Variants in RALGAPA2 observed in about 807,000 individuals in gnomAD.
RALGAPA2 encodes the protein ral GTPase-activating protein subunit alpha-2.
In RALGAPA2, 139 loss-of-function variants were observed where a neutral mutation model predicts 230.4. The ratio of observed to expected loss-of-function variants is 0.60; its 90% CI spans 0.53 to 0.69. The LOEUF is 0.69. Ranked by LOEUF, RALGAPA2 falls within the 30% of genes least tolerant of loss-of-function variation. RALGAPA2 has a pLI of 0.00. For missense variants in RALGAPA2, 2,163 were observed against 2,276.0 expected (o/e 0.95, Z 1.01); for synonymous variants, 847 against 837.8 (o/e 1.01, Z -0.19).
At chr20:20,458,977 T>C (rs944372867) in intron 37 of RALGAPA2, among the ~76,000 whole-genome samples, 11 of 151,354 alleles carry the variant, frequency 7.3e-5, no homozygotes, top group African/African-American at 1.9e-4. Context: ...GGAACCTTCA[T>C]AGAACTGGTG....
chr20:20,513,044 G>T lies in RALGAPA2; in HGVS notation c.4325C>A (p.Thr1442Lys), dbSNP rs767357889. The change falls in exon 32 of 40, where the codon ACA (threonine) becomes AAA (lysine). Residue 1442 changes from threonine (T) to lysine (K), a missense_variant. Transcript: ENST00000202677. ...NDSTLISYLQ[T>K]PTEGPVGGSP... The stretch of plus-strand genomic sequence containing the variant: ...TCCCCCTACCGGTCCTTCTGTGGGT[G>T]TCTGAAGGTAGGAGATGAGGGTGCT... 4.3e-6 allele frequency: 7 copies of T among 1,612,268 alleles called. No individual in the cohort carries two copies. Among genetic ancestry groups the T allele is most frequent in the Non-Finnish European group, 5.1e-6 (6 of 1,179,238 alleles).
chr20:20,662,392 G>A (rs2067812306), intron 3 of RALGAPA2, among the ~76,000 whole-genome samples: 1 of 151,958 alleles, frequency 6.6e-6, no homozygotes, highest in Non-Finnish European at 1.5e-5. Flanking sequence ...TCAACATTGT[G>A]ATTCGCATAT....
intron 9 of RALGAPA2, among the ~76,000 whole-genome samples, chr20:20,631,754 C>G (rs1480631417): frequency 2.6e-5 from 4 of 152,312 alleles, no homozygotes; most frequent in Non-Finnish European, 5.9e-5. Context: ...AAGAAACTAA[C>G]ACAACAACTT....
chr20:20,538,105 C>T (rs1010422003), intron 24 of RALGAPA2, among the ~76,000 whole-genome samples: 13 of 152,190 alleles, frequency 8.5e-5, no homozygotes, highest in Admixed American at 6.5e-4. Context: ...AGGCAAATAA[C>T]AGCTACACAC....
intron 37 of RALGAPA2, chr20:20,471,969 G>A (rs1306316702): frequency 6.6e-6 from 1 of 152,178 alleles, no homozygotes; most frequent in African/African-American, 2.4e-5. Context: ...CAGGTTGGGA[G>A]AAGTATATAT....
chr20:20,516,040 G>A (rs2062860949), intron 31 of RALGAPA2, among the ~76,000 whole-genome samples: 1 of 152,140 alleles, frequency 6.6e-6, no homozygotes, highest in Non-Finnish European at 1.5e-5. Context: ...CAACTGCATG[G>A]GAGCTGGGCA....
chr20:20,535,149 C>G (rs1207628811), intron 26 of RALGAPA2, among the ~76,000 whole-genome samples: 1 of 152,156 alleles, frequency 6.6e-6, no homozygotes, highest in Non-Finnish European at 1.5e-5. Flanking sequence ...AGAGGCTGAG[C>G]TGGGCTTCTG....
At chr20:20,547,207 A>G (rs2063797319) in intron 23 of RALGAPA2, among the ~76,000 whole-genome samples, 1 of 152,244 alleles carries the variant, frequency 6.6e-6, no homozygotes, top group Non-Finnish European at 1.5e-5. Context: ...TTAGCTTTCA[A>G]TTGGCCACAG....
chr20:20,569,447 G>T (rs1186945251), intron 23 of RALGAPA2, among the ~76,000 whole-genome samples: 1 of 152,072 alleles, frequency 6.6e-6, no homozygotes, highest in African/African-American at 2.4e-5. Flanking sequence ...TTTCATCTTA[G>T]AAGTCTGAAT....
chr20:20,584,157 T>C lies in RALGAPA2; in HGVS notation c.2530+708A>G, dbSNP rs375189710. On this transcript the variant is annotated intron_variant, in intron 19 of 39. Transcript: ENST00000202677. ...TTACTTTGCTACTCTGGCACCTGAC[T>C]TCAGGAAAGCAGAGTACTAAGGCTG... is the stretch of plus-strand genomic sequence containing the variant. Among the ~76,000 whole-genome samples the C allele has an allele frequency of 3.9e-5, 6 of 152,210 alleles. No individual in the cohort carries two copies. The East Asian group carries it at 5.8e-4, about 15-fold the overall frequency.
rs1216983227 is a variant in RALGAPA2, at chr20:20,606,613, A to G, written c.1801-1201T>C. Among the ~76,000 whole-genome samples, 7 of 151,948 alleles carry G rather than the reference A, an allele frequency of 4.6e-5. 1 individual carries two copies. The highest frequency in any genetic ancestry group is 4.6e-4 in the Admixed American group (7 of 15,248). ...CAAAATTTGTGCATCACTTCCTCCA[A>G]GAAGGTATCCTTGACTATCTCCCCA... On this transcript the variant is annotated intron_variant, in intron 14 of 39. Coordinates refer to ENST00000202677, the MANE Select transcript of RALGAPA2 (RefSeq NM_020343.4).
At chr20:20,582,036 C>G (rs1410414282) in intron 20 of RALGAPA2, among the ~76,000 whole-genome samples, 1 of 152,152 alleles carries the variant, frequency 6.6e-6, no homozygotes, top group Admixed American at 6.5e-5. Context: ...CCACGAGTCT[C>G]TCCTGACACT....
chr20:20,658,568 A>G (rs1305040555), intron 3 of RALGAPA2, among the ~76,000 whole-genome samples: 1 of 152,258 alleles, frequency 6.6e-6, no homozygotes, highest in East Asian at 1.9e-4. Context: ...TTTCTGAAAA[A>G]CACACAGCTC....
At chr20:20,472,772 C>T in intron 37 of RALGAPA2, 57 bp downstream of exon 37, 1 of 1,550,194 alleles carries the variant, frequency 6.5e-7, no homozygotes, top group East Asian at 2.3e-5. Context: ...TGAAAAACTG[C>T]CAGGAATCTT....
intron 1 of RALGAPA2, among the ~76,000 whole-genome samples, chr20:20,704,521 G>A (rs1046666686): frequency 3.3e-5 from 5 of 152,162 alleles, no homozygotes; most frequent in African/African-American, 1.2e-4. Context: ...CCAAACTCAG[G>A]ACTCATGGGC....
At chr20:20,460,373 T>C (rs1449311334) in intron 37 of RALGAPA2, among the ~76,000 whole-genome samples, 4 of 152,200 alleles carry the variant, frequency 2.6e-5, no homozygotes, top group Admixed American at 2.6e-4. Flanking sequence ...TAATTTAAAC[T>C]AACATCAAAA....
chr20:20,493,723 T>C (rs1392037238), intron 36 of RALGAPA2, among the ~76,000 whole-genome samples: 3 of 152,220 alleles, frequency 2.0e-5, no homozygotes, highest in Non-Finnish European at 4.4e-5. Context: ...GGTTCTCTTA[T>C]ATTAAAATTT....
chr20:20,633,123 T>C (rs2066740882), intron 9 of RALGAPA2, among the ~76,000 whole-genome samples: 1 of 151,432 alleles, frequency 6.6e-6, no homozygotes, highest in South Asian at 2.1e-4. Context: ...TTCTCTCTCT[T>C]TCTTTTCTTT....
At position 20,517,770 on chromosome 20, in the gene RALGAPA2, A is replaced by T. The variant is rs532988860; in HGVS notation, c.4084+3147T>A. Among the ~76,000 whole-genome samples the T allele has an allele frequency of 2.0e-5, 3 of 152,154 alleles. No individual in the cohort carries two copies. In the South Asian group the frequency reaches 6.2e-4, roughly 32 times the overall value. On this transcript the variant is annotated intron_variant, in intron 31 of 39. Coordinates refer to ENST00000202677, the MANE Select transcript of RALGAPA2 (RefSeq NM_020343.4). ...GCAAAATCAAATTAGGCTATAATAA[A>T]CTATAAACATTAAAGCCACATCTTG...
Sources: gnomAD v4.1 joint callset for allele counts (sites outside exome capture counted in the v4.1 genomes callset) on GRCh38, gnomAD v4.1.1 for gene constraint, MANE v1.5 for transcripts, NCBI Gene and HGNC (gene_info 2026-07-23, HGNC 2026-07-21) for gene names.